The following INTS9 variants were observed in gnomAD, a reference collection of about 807,000 sequenced individuals.
The protein encoded by INTS9 is integrator complex subunit 9.
In INTS9, 55 loss-of-function variants were observed where a neutral mutation model predicts 79.7. The observed-to-expected ratio is 0.69, with a 90% CI of 0.56 to 0.86. The LOEUF is 0.86. Among genes scored for constraint, INTS9 ranks in the 40% least tolerant of loss-of-function variants. INTS9 has a pLI of 0.00. For synonymous variants in INTS9, 319 were observed against 325.2 expected (o/e 0.98, Z 0.20); for missense variants, 721 against 831.5 (o/e 0.87, Z 1.64).
chr8:28,889,809 GA>G (rs1475375180), intron 1 of INTS9, 64 bp downstream of exon 1: 7 of 1,594,252 alleles, frequency 4.4e-6, no homozygotes, highest in African/African-American at 2.7e-5. Flanking sequence ...CCCAACGTAG[GA>G]AAAAAAGAGG....
In INTS9 at chr8:28,846,765, C is replaced by T. The variant is rs752814867; in HGVS notation, c.243G>A (p.Pro81=). The T allele has an allele frequency of 9.7e-5, 157 of 1,612,768 alleles. No individual in the cohort carries two copies. Among genetic ancestry groups the T allele is most frequent in the East Asian group, 1.8e-4 (8 of 44,884 alleles). The change falls in exon 4 of 17, where the codon CCG becomes CCA. Residue 81 remains proline (P), a synonymous_variant. Coordinates refer to ENST00000521022, the MANE Select transcript of INTS9 (RefSeq NM_018250.4). ...ATCTTACCTCTGGTAAACAGAATTC[C>T]GGCACAGAATCCACAAATACATGAC... ...CSGHVFVDSV[P]EFCLPETELI...
chr8:28,821,608 T>G (rs1361151665), intron 6 of INTS9, among the ~76,000 whole-genome samples: 1 of 152,166 alleles, frequency 6.6e-6, no homozygotes, highest in East Asian at 1.9e-4. Context: ...GTTGAAACCA[T>G]GCAGTATTTC....
chr8:28,777,889 G>A lies in INTS9; in HGVS notation c.1335C>T (p.Tyr445=), dbSNP rs1419650716. The A allele has an allele frequency of 1.2e-6, 2 of 1,612,728 alleles. No homozygotes were observed. The highest frequency in any genetic ancestry group is 2.2e-5 in the East Asian group (1 of 44,698). Residue 445 remains tyrosine, a synonymous_variant, in exon 13 of 17, where the codon TAC becomes TAT. Transcript: ENST00000521022. ...PYQPLAMKCI[Y]CPIDTRLNFI... ...AGTTCAGCCGGGTGTCGATGGGGCA[G>A]TAGATGCATTTCATGGCCAGCGGCT... is the stretch of plus-strand genomic sequence containing the variant.
chr8:28,820,523 C>G (rs901306955), intron 6 of INTS9, among the ~76,000 whole-genome samples: 2 of 152,196 alleles, frequency 1.3e-5, no homozygotes, highest in African/African-American at 2.4e-5. Flanking sequence ...TGATGGGCTT[C>G]CCTTTGTGGA....
intron 6 of INTS9, among the ~76,000 whole-genome samples, chr8:28,830,084 A>G (rs556864284): frequency 2.2e-4 from 33 of 152,286 alleles, no homozygotes; most frequent in Admixed American, 6.5e-4. Context: ...CATACAGAGA[A>G]GACAGATAGA....
At chr8:28,825,331 CAT>C (rs1217173736) in intron 6 of INTS9, among the ~76,000 whole-genome samples, 25 of 152,238 alleles carry the variant, frequency 1.6e-4, no homozygotes, top group Admixed American at 5.9e-4. Flanking sequence ...ACCCCAAGCA[CAT>C]CTCTCCATTC....
At chr8:28,886,243 A>G (rs1407572637) in intron 1 of INTS9, among the ~76,000 whole-genome samples, 1 of 151,910 alleles carries the variant, frequency 6.6e-6, no homozygotes, top group African/African-American at 2.4e-5. Flanking sequence ...AACCTTAAAA[A>G]CTTTTTTTTG....
intron 4 of INTS9, among the ~76,000 whole-genome samples, chr8:28,841,247 T>C (rs902793372): frequency 2.6e-5 from 4 of 152,172 alleles, no homozygotes; most frequent in African/African-American, 4.8e-5. Flanking sequence ...GTCCTCCTCA[T>C]GAAGGACCAC....
At chr8:28,884,614 G>T (rs1235034688) in intron 1 of INTS9, among the ~76,000 whole-genome samples, 1 of 152,076 alleles carries the variant, frequency 6.6e-6, no homozygotes, top group Non-Finnish European at 1.5e-5. Flanking sequence ...ATGTAACTTA[G>T]CCTTATGTCA....
At chr8:28,769,101 G>C (rs1254871134) in intron 16 of INTS9, among the ~76,000 whole-genome samples, 1 of 152,224 alleles carries the variant, frequency 6.6e-6, no homozygotes, top group African/African-American at 2.4e-5. Context: ...CACCCAGCCA[G>C]AGCCTTTTTC....
At chr8:28,837,847 C>G in intron 4 of INTS9, 71 bp from the exon 5 acceptor site, 4 of 1,432,944 alleles carry the variant, frequency 2.8e-6, no homozygotes, top group Non-Finnish European at 3.8e-6. Flanking sequence ...TAAAAAACGA[C>G]GTTGTCAGAA....
Position 28,821,332 on chromosome 8 carries a change from A to C in INTS9, c.489-7720T>G, listed in dbSNP as rs2131101147. Among the ~76,000 whole-genome samples, 3 of 152,310 alleles carry C rather than the reference A, an allele frequency of 2.0e-5. 1 individual carries two copies. Among genetic ancestry groups the C allele is most frequent in the Admixed American group, 2.0e-4 (3 of 15,294 alleles). On this transcript the variant is annotated intron_variant, in intron 6 of 16. Transcript: ENST00000521022. The stretch of plus-strand genomic sequence containing the variant: ...TACATGGCGGTGGCAAGAGAAAATG[A>C]GGAAGAAGCAAAAGCGGAAGCCCCG...
chr8:28,813,752 T>C, intron 6 of INTS9, 140 bp from the exon 7 acceptor site: 2 of 892,240 alleles, frequency 2.2e-6, no homozygotes, highest in Non-Finnish European at 3.4e-6. Context: ...TTTATGACCA[T>C]TTCTCTGTTT....
At chr8:28,852,209 C>T (rs558408414) in intron 2 of INTS9, among the ~76,000 whole-genome samples, 1 of 151,378 alleles carries the variant, frequency 6.6e-6, no homozygotes, top group East Asian at 1.9e-4. Flanking sequence ...TGTTTTGAAA[C>T]AAGACCCTGT....
chr8:28,777,883 G>A lies in INTS9; in HGVS notation c.1341C>T (p.Pro447=). The A allele has an allele frequency of 6.2e-7, 1 of 1,612,692 alleles. No individual in the cohort carries two copies. The highest frequency in any genetic ancestry group is 8.5e-7 in the Non-Finnish European group (1 of 1,179,350). ...QPLAMKCIYC[P]IDTRLNFIQV... is the part of the protein sequence containing the mutation. ...GGATGAAGTTCAGCCGGGTGTCGAT[G>A]GGGCAGTAGATGCATTTCATGGCCA... The change falls in exon 13 of 17, where the codon CCC becomes CCT. Residue 447 remains proline, a synonymous_variant. Coordinates refer to ENST00000521022, the MANE Select transcript of INTS9 (RefSeq NM_018250.4).
Position 28,813,418 on chromosome 8 carries a change from A to T in INTS9, c.609+74T>A, listed in dbSNP as rs1805277879. On this transcript the variant is annotated intron_variant, in intron 7 of 16. Coordinates refer to ENST00000521022, the MANE Select transcript of INTS9 (RefSeq NM_018250.4). ...ATGGCTTTAAAAACGTAACTATAGG[A>T]TTCTTCCAAACAACAAACAACAATA... The T allele has an allele frequency of 3.4e-6, 5 of 1,455,878 alleles. No individual in the cohort carries two copies. In the Admixed American group the frequency reaches 8.6e-5, roughly 25 times the overall value. 90.2% of individuals were successfully genotyped at this position (1,455,878 alleles called of 1,614,324 possible).
At chr8:28,787,780 G>T in intron 11 of INTS9, 49 bp downstream of exon 11, 2 of 1,360,016 alleles carry the variant, frequency 1.5e-6, no homozygotes, top group South Asian at 1.2e-5. Flanking sequence ...TCTGCATCAG[G>T]TTATCCACAT....
rs11985067 is a variant in INTS9 at position 28,824,247 on chromosome 8, A to T, written c.489-10635T>A. 7.9e-5 allele frequency among the ~76,000 whole-genome samples: 12 copies of T among 152,154 alleles called. No homozygotes were observed. The East Asian group carries it at 2.1e-3, about 27-fold the overall frequency. On this transcript the variant is annotated intron_variant, in intron 6 of 16. Coordinates refer to ENST00000521022, the MANE Select transcript of INTS9 (RefSeq NM_018250.4). ...TCCCTCCCAGAAGGGCCTCAACAAT[A>T]CACTACAAATGCAAATCTCAAGATC...
chr8:28,777,844 C>A lies in INTS9; in HGVS notation c.1380G>T (p.Leu460=). Residue 460 remains leucine, a synonymous_variant, in exon 13 of 17, where the codon CTG becomes CTT. Transcript: ENST00000521022. ...TRLNFIQVSK[L]LKEVQPLHVV... ...CCTTCATTACCTGCACTTCTTTAAGCAGCTTTGACACCTGGATGAAGTTCA... is the reference window on the plus strand; with the variant it reads ...CCTTCATTACCTGCACTTCTTTAAGAAGCTTTGACACCTGGATGAAGTTCA... The A allele has an allele frequency of 6.2e-7, 1 of 1,607,554 alleles. No individual in the cohort carries two copies. The highest frequency in any genetic ancestry group is 1.7e-5 in the Admixed American group (1 of 58,634).
Sources: allele counts gnomAD v4.1 joint callset (sites outside exome capture counted in the v4.1 genomes callset), GRCh38; gene constraint gnomAD v4.1.1; transcripts MANE v1.5; gene names NCBI Gene and HGNC (gene_info 2026-07-23, HGNC 2026-07-21).